Variants in PPARGC1A observed in about 807,000 individuals in gnomAD.
PPARGC1A encodes PPARG coactivator 1 alpha, also known as peroxisome proliferator-activated receptor gamma coactivator 1-alpha.
A neutral mutation model predicts 88.7 loss-of-function variants in PPARGC1A; 25 were observed. The ratio of observed to expected loss-of-function variants is 0.28; its 90% CI spans 0.21 to 0.39. The LOEUF (loss-of-function observed/expected upper bound fraction) is 0.39. Ranked by LOEUF, PPARGC1A falls within the 10% of genes least tolerant of loss-of-function variation. The pLI, the probability that PPARGC1A is intolerant of heterozygous loss-of-function variation, is 1.00. For missense variants in PPARGC1A, 880 were observed against 968.7 expected (o/e 0.91, Z 1.22); for synonymous variants, 363 against 355.6 (o/e 1.02, Z -0.24).
At chr4:24,055,785 C>T in the PPARGC1A span, among the ~76,000 whole-genome samples, 38 of 152,198 alleles carry the variant, frequency 2.5e-4, no homozygotes, top group Non-Finnish European at 4.4e-4. Context: ...TTTGTATCCT[C>T]CTCCAGGTAG....
At chr4:24,321,253 C>T in the PPARGC1A span, among the ~76,000 whole-genome samples, 11 of 152,186 alleles carry the variant, frequency 7.2e-5, no homozygotes, top group Non-Finnish European at 1.2e-4. Context: ...CAACACCTGG[C>T]TTTTAAAAAC....
chr4:24,009,133 T>C, the PPARGC1A span, among the ~76,000 whole-genome samples: 1 of 74,486 alleles, frequency 1.3e-5, no homozygotes, highest in African/African-American at 5.0e-5. Flanking sequence ...CCGCAGTCTA[T>C]AAAAAAAAAA....
chr4:24,432,895 G>A, the PPARGC1A span, among the ~76,000 whole-genome samples: 3 of 152,320 alleles, frequency 2.0e-5, no homozygotes, highest in South Asian at 6.2e-4. Context: ...GCTCTGGGAA[G>A]ACACACCAGC....
chr4:24,347,406 A>G, the PPARGC1A span, among the ~76,000 whole-genome samples: 2 of 152,160 alleles, frequency 1.3e-5, no homozygotes, highest in East Asian at 1.9e-4. Flanking sequence ...TCTTAAGTCT[A>G]TTAGTAATTG....
At chr4:24,165,739 A>T in the PPARGC1A span, among the ~76,000 whole-genome samples, 1 of 152,112 alleles carries the variant, frequency 6.6e-6, no homozygotes, top group African/African-American at 2.4e-5. Context: ...CCATTACCAT[A>T]TAAGAGGTTG....
chr4:24,209,170 C>T, the PPARGC1A span, among the ~76,000 whole-genome samples: 1 of 152,268 alleles, frequency 6.6e-6, no homozygotes, highest in South Asian at 2.1e-4. Context: ...ACAGCTAGAC[C>T]TCCGTTCTGG....
the PPARGC1A span, among the ~76,000 whole-genome samples, chr4:24,391,377 A>G: frequency 6.6e-6 from 1 of 152,174 alleles, no homozygotes; most frequent in Non-Finnish European, 1.5e-5. Flanking sequence ...CAAAAAGTCT[A>G]CTTAGCACCA....
At chr4:23,989,359 G>A in the PPARGC1A span, among the ~76,000 whole-genome samples, 1 of 151,946 alleles carries the variant, frequency 6.6e-6, no homozygotes, top group Non-Finnish European at 1.5e-5. Flanking sequence ...CTAAGTGCAA[G>A]TGGGTAAGGG....
At chr4:23,922,483 T>G in the PPARGC1A span, among the ~76,000 whole-genome samples, 1 of 152,214 alleles carries the variant, frequency 6.6e-6, no homozygotes, top group Non-Finnish European at 1.5e-5. Context: ...CATCATGTTT[T>G]AAGAGAGTTG....
the PPARGC1A span, among the ~76,000 whole-genome samples, chr4:23,946,609 G>T: frequency 1.3e-5 from 2 of 152,058 alleles, no homozygotes; most frequent in Admixed American, 6.6e-5. Flanking sequence ...GAACAGCAAA[G>T]GTACAGTGCA....
chr4:24,278,630 T>C, the PPARGC1A span, among the ~76,000 whole-genome samples: 1 of 152,232 alleles, frequency 6.6e-6, no homozygotes, highest in Non-Finnish European at 1.5e-5. Flanking sequence ...ATGCCCATCC[T>C]CTTGAAGCCT....
the PPARGC1A span, among the ~76,000 whole-genome samples, chr4:24,421,332 A>G: frequency 1.4e-5 from 2 of 139,598 alleles, no homozygotes; most frequent in African/African-American, 2.6e-5. Flanking sequence ...TTTTTTTTTA[A>G]TGGAGTCTCG....
At chr4:24,216,959 G>T in the PPARGC1A span, among the ~76,000 whole-genome samples, 1 of 152,120 alleles carries the variant, frequency 6.6e-6, no homozygotes, top group South Asian at 2.1e-4. Context: ...CCACATAAGA[G>T]ATAACACATT....
At chr4:24,006,438 G>A in the PPARGC1A span, among the ~76,000 whole-genome samples, 1 of 152,186 alleles carries the variant, frequency 6.6e-6, no homozygotes, top group African/African-American at 2.4e-5. Context: ...GAGTGTCACT[G>A]GTGAGAGCAA....
chr4:23,814,996 T>C (rs1721686500), intron 7 of PPARGC1A, among the ~76,000 whole-genome samples: 1 of 152,060 alleles, frequency 6.6e-6, no homozygotes, highest in Non-Finnish European at 1.5e-5. Context: ...AAAGTGAGAC[T>C]GAGGAATCAC....
At chr4:24,175,767 TAATAA>T in the PPARGC1A span, among the ~76,000 whole-genome samples, 2 of 151,802 alleles carry the variant, frequency 1.3e-5, no homozygotes, top group African/African-American at 4.8e-5. Context: ...TAACCATAAA[TAATAA>T]AATATTTTTA....
chr4:23,903,580 G>A (rs906568668), upstream of PPARGC1A, among the ~76,000 whole-genome samples: 1 of 152,180 alleles, frequency 6.6e-6, no homozygotes, highest in Admixed American at 6.5e-5. Flanking sequence ...CTGGAGCCAT[G>A]CAATACAGTG....
At chr4:24,032,954 T>C in the PPARGC1A span, among the ~76,000 whole-genome samples, 1 of 152,224 alleles carries the variant, frequency 6.6e-6, no homozygotes, top group Non-Finnish European at 1.5e-5. Flanking sequence ...TTACACAAGA[T>C]ATATCTTTAT....
the PPARGC1A span, among the ~76,000 whole-genome samples, chr4:24,465,115 C>T: frequency 2.6e-5 from 4 of 152,264 alleles, no homozygotes; most frequent in Admixed American, 6.5e-5. Flanking sequence ...ATCCTCCTGC[C>T]GCAGCCTCCT....
Sources: allele counts gnomAD v4.1 joint callset (sites outside exome capture counted in the v4.1 genomes callset), GRCh38; gene constraint gnomAD v4.1.1; transcripts MANE v1.5; gene names NCBI Gene and HGNC (gene_info 2026-07-23, HGNC 2026-07-21).